The following CFAP46 variants were observed in gnomAD, a reference collection of about 807,000 sequenced individuals.
CFAP46 encodes cilia- and flagella-associated protein 46.
CFAP46 carries 245 observed loss-of-function variants against 325.7 expected under a neutral mutation model. The observed-to-expected ratio is 0.75, with a 90% CI of 0.68 to 0.84. The LOEUF is 0.84. Among genes scored for constraint, CFAP46 ranks in the 40% least tolerant of loss-of-function variants. The pLI is 0.00. For synonymous variants in CFAP46, 1,523 were observed against 1,495.9 expected, an observed-to-expected ratio of 1.02 and a Z score of -0.42; for missense variants, 3,346 against 3,543.0, an observed-to-expected ratio of 0.94 and a Z score of 1.41.
intron 35 of CFAP46, 35 bp from the exon 36 acceptor site, chr10:132,861,017 T>A: frequency 3.9e-6 from 6 of 1,544,048 alleles, no homozygotes; most frequent in Non-Finnish European, 5.3e-6. Flanking sequence ...CTTGGGTTCC[T>A]CTACAGATGT....
At chr10:132,809,807 G>A (rs1847541556) in intron 57 of CFAP46, among the ~76,000 whole-genome samples, 1 of 152,170 alleles carries the variant, frequency 6.6e-6, no homozygotes, top group Non-Finnish European at 1.5e-5. Flanking sequence ...ACCATGTCCC[G>A]TGCCCCTTCC....
In CFAP46 at chr10:132,833,343, G is replaced by C. The variant is rs373458042; in HGVS notation, c.7117+15C>G. The C allele has an allele frequency of 1.9e-6, 3 of 1,602,046 alleles. No homozygotes were observed. Among genetic ancestry groups the C allele is most frequent in the Non-Finnish European group, 2.6e-6 (3 of 1,171,166 alleles). On this transcript the variant is annotated intron_variant, in intron 50 of 57. Transcript: ENST00000368586. ...TTTAAAATTACACATTAAGGTGGCT[G>C]AGGGCAGTTCCTACCTGTCTCTTCT...
At chr10:132,809,806 C>G (rs902230262) in intron 57 of CFAP46, among the ~76,000 whole-genome samples, 1 of 152,186 alleles carries the variant, frequency 6.6e-6, no homozygotes, top group Non-Finnish European at 1.5e-5. Flanking sequence ...GACCATGTCC[C>G]GTGCCCCTTC....
Position 132,817,689 on chromosome 10 carries a change from G to T in CFAP46, c.7118-2775C>A, listed in dbSNP as rs757654925. ...CCAGACTCAGCGGTTGGCGGCTGAGGACACTCAAGGCTCTAGATCACCGGC... is the reference window on the plus strand; with the variant it reads ...CCAGACTCAGCGGTTGGCGGCTGAGTACACTCAAGGCTCTAGATCACCGGC... On this transcript the variant is annotated intron_variant, in intron 50 of 57. Transcript: ENST00000368586. The surrounding 1 kb of genome is among the most constrained non-coding windows in gnomAD (Gnocchi z 4.4). 6.6e-6 allele frequency among the ~76,000 whole-genome samples: 1 copy of T among 152,214 alleles called. No individual in the cohort carries two copies. Among genetic ancestry groups the T allele is most frequent in the African/African-American group, 2.4e-5 (1 of 41,456 alleles).
intron 19 of CFAP46, among the ~76,000 whole-genome samples, 191 bp from the exon 20 acceptor site, chr10:132,910,259 G>A (rs894887886): frequency 6.6e-6 from 1 of 152,214 alleles, no homozygotes; most frequent in Non-Finnish European, 1.5e-5. Context: ...CCCAGACGCC[G>A]AGGACGCAGC....
chr10:132,939,021 G>A lies in CFAP46; in HGVS notation c.372-268C>T, dbSNP rs1214417629. ...GCCCGGCTGTGATGACCCGGCCACA[G>A]GCTCCCGAGTCCAGACCAGGGCCTT... On this transcript the variant is annotated intron_variant, in intron 4 of 57. Transcript: ENST00000368586. The surrounding 1 kb of genome is among the most constrained non-coding windows in gnomAD (Gnocchi z 4.6). Among the ~76,000 whole-genome samples, 3 of 152,214 alleles carry A rather than the reference G, an allele frequency of 2.0e-5. No homozygotes were observed. The highest frequency in any genetic ancestry group is 7.2e-5 in the African/African-American group (3 of 41,464).
chr10:132,810,960 C>T lies in CFAP46; in HGVS notation c.7573G>A (p.Glu2525Lys), dbSNP rs374587224. 8.6e-5 allele frequency: 137 copies of T among 1,601,444 alleles called. No individual in the cohort carries two copies. In the South Asian group the frequency reaches 1.0e-3, roughly 12 times the overall value. ...CAGGCAGCCAGGCACCTCCTGTGCT[C>T]CACGCTCTCCATGTGCCTCTTCAAG... ...QSLKRHMESV[E>K]HRRSVGRWEA... The change falls in exon 56 of 58, where the codon GAG becomes AAG. Residue 2525 changes from glutamate (E) to lysine (K), a missense_variant. Transcript: ENST00000368586.
chr10:132,881,487 T>C (rs1051295752), intron 27 of CFAP46, among the ~76,000 whole-genome samples: 2 of 152,228 alleles, frequency 1.3e-5, no homozygotes, highest in African/African-American at 4.8e-5. Flanking sequence ...TGCGTCCAGA[T>C]GCAGAGCCCA....
intron 50 of CFAP46, among the ~76,000 whole-genome samples, chr10:132,823,537 C>A (rs540263562): frequency 1.4e-5 from 1 of 72,458 alleles, no homozygotes; most frequent in Non-Finnish European, 2.6e-5. Flanking sequence ...GCTGTGTGCG[C>A]TGTGTGCTGT....
At position 132,872,717 on chromosome 10, in the gene CFAP46, G is replaced by A. The variant is rs775284711; in HGVS notation, c.4470C>T (p.Ser1490=). The change falls in exon 32 of 58, where the codon TCC becomes TCT. Residue 1490 remains serine (S), a synonymous_variant. Coordinates refer to ENST00000368586, the MANE Select transcript of CFAP46 (RefSeq NM_001200049.3). ...VLQLGVLISD[S]VVGSKGLSDL... ...CCGACAGGCCCTTGCTTCCCACCACGGAGTCCGAAATCAGCACCCCCAACT... is the reference window on the plus strand; with the variant it reads ...CCGACAGGCCCTTGCTTCCCACCACAGAGTCCGAAATCAGCACCCCCAACT... The A allele has an allele frequency of 1.8e-5, 28 of 1,550,636 alleles. No individual in the cohort carries two copies. The highest frequency in any genetic ancestry group is 6.8e-5 in the African/African-American group (5 of 73,062).
chr10:132,903,949 C>T (rs535640767), intron 22 of CFAP46, among the ~76,000 whole-genome samples: 29 of 152,150 alleles, frequency 1.9e-4, no homozygotes, highest in Admixed American at 9.8e-4. Flanking sequence ...AGCATAAATG[C>T]GAAACTGATT....
At chr10:132,922,341 C>A in intron 12 of CFAP46, 117 bp from the exon 13 acceptor site, 1 of 1,464,482 alleles carries the variant, frequency 6.8e-7, no homozygotes, top group Non-Finnish European at 9.1e-7. Flanking sequence ...TGCTCATAGA[C>A]ACAGTGACAG....
Position 132,922,085 on chromosome 10 carries a change from A to G in CFAP46, c.1606+19T>C. The stretch of plus-strand genomic sequence containing the variant: ...AAGGTGGACCGTTCTGGGCTGGGAG[A>G]GCCCAGTGCAGAGCTCACCTTTGGC... On this transcript the variant is annotated intron_variant, in intron 13 of 57. Transcript: ENST00000368586. The G allele has an allele frequency of 6.5e-7, 1 of 1,547,428 alleles. No homozygotes were observed. The highest frequency in any genetic ancestry group is 8.7e-7 in the Non-Finnish European group (1 of 1,145,288).
At chr10:132,941,465 T>C in intron 3 of CFAP46, 126 bp downstream of exon 3, 1 of 1,296,502 alleles carries the variant, frequency 7.7e-7, no homozygotes, top group Non-Finnish European at 1.1e-6. Context: ...TTCGTGTCAC[T>C]CTGGAAAGGA....
rs150309366 is a variant in CFAP46, at chr10:132,875,716, A to C, written c.4362+1096T>G. 4.8e-3 allele frequency among the ~76,000 whole-genome samples: 735 copies of C among 152,300 alleles called. 1 individual carries two copies. The highest frequency in any genetic ancestry group is 0.012 in the Admixed American group (182 of 15,304). On this transcript the variant is annotated intron_variant, in intron 31 of 57. Transcript: ENST00000368586. ...CCCTACCTCACACCACACACACATCAAGTTCAGATGACAGGCAAAACTACA... is the reference window on the plus strand; with the variant it reads ...CCCTACCTCACACCACACACACATCCAGTTCAGATGACAGGCAAAACTACA...
rs1246788458 is a variant in CFAP46 at position 132,879,628 on chromosome 10, T to TC, written c.3802dup (p.Glu1268GlyfsTer27). Reference sequence around the variant, plus strand: ...TGGGGGCATCTCCACAGCCACGTACTCCCCTGAAACACGGGGTGCCCGAGG... The same window carrying TC: ...TGGGGGCATCTCCACAGCCACGTACTCCCCCTGAAACACGGGGTGCCCGAGG... On this transcript the variant is annotated frameshift_variant, in exon 29 of 58. Coordinates refer to ENST00000368586, the MANE Select transcript of CFAP46 (RefSeq NM_001200049.3). LOFTEE classifies it high-confidence loss of function. The TC allele has an allele frequency of 4.6e-6, 7 of 1,519,428 alleles. No individual in the cohort carries two copies. Among genetic ancestry groups the TC allele is most frequent in the Non-Finnish European group, 6.2e-6 (7 of 1,132,962 alleles). The allele number at this position is 1,519,428 out of a possible 1,614,324, so 94.1% of individuals were successfully genotyped here. A position where few individuals can be genotyped will look rare whatever the true frequency, so the allele number is the denominator to read the frequency against.
intron 50 of CFAP46, among the ~76,000 whole-genome samples, chr10:132,822,137 T>C (rs1279538507): frequency 2.1e-5 from 3 of 141,974 alleles, no homozygotes; most frequent in Non-Finnish European, 4.5e-5. Context: ...GTGTGTGCTG[T>C]GTGTGTGCTG....
intron 8 of CFAP46, among the ~76,000 whole-genome samples, chr10:132,934,096 A>G (rs1419609522): frequency 6.6e-6 from 1 of 152,232 alleles, no homozygotes; most frequent in Non-Finnish European, 1.5e-5. Context: ...GCAGATAACT[A>G]ATACACCTTC....
intron 51 of CFAP46, 32 bp from the exon 52 acceptor site, chr10:132,814,778 G>A: frequency 6.2e-7 from 1 of 1,613,542 alleles, no homozygotes; most frequent in Non-Finnish European, 8.5e-7. Flanking sequence ...AGCAGGTGCA[G>A]GGGCCAGGAG....
Sources: allele counts gnomAD v4.1 joint callset (sites outside exome capture counted in the v4.1 genomes callset), GRCh38; gene constraint gnomAD v4.1.1; non-coding constraint Gnocchi (gnomAD v3.1); transcripts MANE v1.5; gene names NCBI Gene and HGNC (gene_info 2026-07-23, HGNC 2026-07-21).